The following ZNF609 variants were observed in gnomAD, a reference collection of about 807,000 sequenced individuals.
ZNF609 encodes zinc finger protein 609.
Under a neutral mutation model 109.5 loss-of-function variants are expected in ZNF609, and 11 were observed. The ratio of observed to expected loss-of-function variants is 0.10; its 90% CI spans 0.06 to 0.17. ZNF609 has a LOEUF of 0.17. Among genes scored for constraint, ZNF609 ranks in the 10% least tolerant of loss-of-function variants. The pLI is 1.00. For synonymous variants in ZNF609, 646 were observed against 662.0 expected (o/e 0.98, Z 0.37); for missense variants, 1,559 against 1,772.4 (o/e 0.88, Z 2.16).
intron 2 of ZNF609, among the ~76,000 whole-genome samples, chr15:64,543,097 C>T (rs1445342550): frequency 1.3e-5 from 2 of 151,948 alleles, no homozygotes; most frequent in South Asian, 2.1e-4. Context: ...CACCGTGGGA[C>T]GTGTATACCT....
chr15:64,561,516 C>G (rs923058973), intron 2 of ZNF609, among the ~76,000 whole-genome samples: 7 of 148,968 alleles, frequency 4.7e-5, no homozygotes, highest in African/African-American at 1.7e-4. Flanking sequence ...ATGAATTATT[C>G]TCTCATAATA....
intron 2 of ZNF609, among the ~76,000 whole-genome samples, chr15:64,523,818 T>C (rs1168932638): frequency 6.6e-6 from 1 of 152,008 alleles, no homozygotes; most frequent in Non-Finnish European, 1.5e-5. Context: ...TTCATGTGAA[T>C]GGAAGATTGA....
intron 1 of ZNF609, among the ~76,000 whole-genome samples, chr15:64,484,971 C>CA (rs904804179): frequency 1.1e-4 from 16 of 150,590 alleles, no homozygotes; most frequent in African/African-American, 2.7e-4. Flanking sequence ...GACTCCGTCT[C>CA]AAAAAAAAAG....
intron 2 of ZNF609, among the ~76,000 whole-genome samples, chr15:64,546,124 A>G (rs1894354809): frequency 6.6e-6 from 1 of 152,250 alleles, no homozygotes; most frequent in Admixed American, 6.5e-5. Context: ...CTTACCAGCT[A>G]TGTATGAGAG....
intron 1 of ZNF609, among the ~76,000 whole-genome samples, chr15:64,463,098 T>TA (rs1443815047): frequency 2.6e-5 from 4 of 152,054 alleles, no homozygotes; most frequent in South Asian, 2.1e-4. Flanking sequence ...TACAAAAATT[T>TA]AAAAAAATAC....
At chr15:64,577,868 A>ACC (rs1895027627) in intron 2 of ZNF609, among the ~76,000 whole-genome samples, 1 of 151,566 alleles carries the variant, frequency 6.6e-6, no homozygotes, top group Non-Finnish European at 1.5e-5. Flanking sequence ...TCAAAAAAAG[A>ACC]AAGCAGGCTT....
chr15:64,516,447 C>A (rs1893811473), intron 2 of ZNF609, among the ~76,000 whole-genome samples: 1 of 152,216 alleles, frequency 6.6e-6, no homozygotes, highest in African/African-American at 2.4e-5. Context: ...TCTCGTCTCA[C>A]TGCAAGCTCT....
intron 2 of ZNF609, among the ~76,000 whole-genome samples, chr15:64,587,329 A>G (rs749045912): frequency 6.6e-6 from 1 of 152,148 alleles, no homozygotes; most frequent in African/African-American, 2.4e-5. Context: ...TATTGTTTAG[A>G]TGAAACTGTA....
At chr15:64,522,978 A>G (rs1380609204) in intron 2 of ZNF609, among the ~76,000 whole-genome samples, 3 of 152,162 alleles carry the variant, frequency 2.0e-5, no homozygotes, top group Admixed American at 6.5e-5. Context: ...GGTTAAAAAA[A>G]AAAAAAAAGG....
At chr15:64,665,570 G>A (rs1896634874) in intron 3 of ZNF609, among the ~76,000 whole-genome samples, 1 of 152,132 alleles carries the variant, frequency 6.6e-6, no homozygotes, top group Non-Finnish European at 1.5e-5. Context: ...GGGTAACATA[G>A]TGAGACTCTG....
chr15:64,606,255 G>A (rs951122486), intron 2 of ZNF609, among the ~76,000 whole-genome samples: 2 of 150,258 alleles, frequency 1.3e-5, no homozygotes, highest in African/African-American at 2.4e-5. Context: ...GCAAGGACCC[G>A]CCACCATGCC....
chr15:64,592,694 A>ATCACCAC (rs546449588), intron 2 of ZNF609, among the ~76,000 whole-genome samples: 48 of 152,088 alleles, frequency 3.2e-4, no homozygotes, highest in Non-Finnish European at 6.9e-4. Flanking sequence ...AAGCAGGCAG[A>ATCACCAC]TCACCTGTGG....
chr15:64,535,513 C>T (rs1894127623), intron 2 of ZNF609, among the ~76,000 whole-genome samples: 1 of 152,046 alleles, frequency 6.6e-6, no homozygotes, highest in Non-Finnish European at 1.5e-5. Flanking sequence ...GTTTGTTTTA[C>T]CATATACGTG....
chr15:64,627,697 A>C (rs1482941549), intron 3 of ZNF609, among the ~76,000 whole-genome samples: 2 of 106,026 alleles, frequency 1.9e-5, no homozygotes, highest in African/African-American at 6.8e-5. Flanking sequence ...AGACAGGGTC[A>C]AGCTGTGTCA....
chr15:64,635,863 T>G (rs532241637), intron 3 of ZNF609, among the ~76,000 whole-genome samples: 52 of 60,006 alleles, frequency 8.7e-4, no homozygotes, highest in African/African-American at 1.9e-3. Context: ...TAACTCGCTC[T>G]CTCTCTCTCT....
intron 2 of ZNF609, 134 bp downstream of exon 2, chr15:64,500,300 C>A: frequency 8.3e-7 from 1 of 1,208,252 alleles, no homozygotes. Context: ...GTCAGAGCAG[C>A]TGGTAATGAT....
intron 3 of ZNF609, among the ~76,000 whole-genome samples, chr15:64,656,854 G>A (rs909481895): frequency 2.7e-5 from 4 of 149,678 alleles, no homozygotes; most frequent in Admixed American, 6.7e-5. Flanking sequence ...TCCATTCTCC[G>A]ACACCACCCT....
chr15:64,528,757 G>C, intron 2 of ZNF609: 1 of 933,170 alleles, frequency 1.1e-6, no homozygotes, highest in South Asian at 1.3e-5. Flanking sequence ...GCTTGACAGA[G>C]TGGTCCTTGA....
intron 2 of ZNF609, among the ~76,000 whole-genome samples, chr15:64,555,387 G>A (rs942371312): frequency 5.3e-5 from 8 of 151,840 alleles, no homozygotes; most frequent in Non-Finnish European, 1.0e-4. Flanking sequence ...AAATTGGGCT[G>A]GGTGCAGTGG....
Sources: allele counts gnomAD v4.1 joint callset (sites outside exome capture counted in the v4.1 genomes callset), GRCh38; gene constraint gnomAD v4.1.1; transcripts MANE v1.5; gene names NCBI Gene and HGNC (gene_info 2026-07-23, HGNC 2026-07-21).